Variants in CUEDC1 observed in about 807,000 individuals in gnomAD.
The protein encoded by CUEDC1 is CUE domain containing 1, also known as CUE domain-containing protein 1.
CUEDC1 carries 30 observed loss-of-function variants against 43.7 expected under a neutral mutation model. That is an observed-to-expected ratio of 0.69 (90% CI 0.51 to 0.93). CUEDC1 has a LOEUF of 0.93. Among genes scored for constraint, CUEDC1 ranks in the 40% least tolerant of loss-of-function variants. The probability of loss-of-function intolerance (pLI) is 0.00; values close to 1 mark genes in which losing one functional copy is unlikely to be tolerated. For missense variants in CUEDC1, 486 were observed against 549.0 expected (o/e 0.89, Z 1.15); for synonymous variants, 223 against 223.6 (o/e 1.00, Z 0.02).
chr17:57,909,012 C>T (rs2074557572), intron 1 of CUEDC1, among the ~76,000 whole-genome samples: 1 of 152,032 alleles, frequency 6.6e-6, no homozygotes, highest in African/African-American at 2.4e-5. Context: ...AAAGGAAGAT[C>T]ATAATGTAGC....
chr17:57,886,148 T>A (rs914569720), intron 1 of CUEDC1, among the ~76,000 whole-genome samples: 2 of 152,194 alleles, frequency 1.3e-5, no homozygotes, highest in Non-Finnish European at 2.9e-5. Context: ...ATGACAATAC[T>A]GTAAGGTATG....
rs1240820908 is a variant in CUEDC1 at position 57,873,542 on chromosome 17, G to C, written c.591+49C>G. On this transcript the variant is annotated intron_variant, in intron 4 of 10. Coordinates refer to ENST00000577830, the MANE Select transcript of CUEDC1 (RefSeq NM_001271875.2). ...GGCACAAATTGTGTGGGCAAAGAGAGATGCTGGACAAGCAGGTGGGAGTGG... is the reference window on the plus strand; with the variant it reads ...GGCACAAATTGTGTGGGCAAAGAGACATGCTGGACAAGCAGGTGGGAGTGG... The C allele has an allele frequency of 2.0e-6, 3 of 1,497,690 alleles. No individual in the cohort carries two copies. The African/African-American group carries it at 4.2e-5, about 21-fold the overall frequency. The allele number at this position is 1,497,690 out of a possible 1,614,324, so 92.8% of individuals were successfully genotyped here.
intron 1 of CUEDC1, among the ~76,000 whole-genome samples, chr17:57,944,057 C>T (rs1464634649): frequency 6.6e-6 from 1 of 152,046 alleles, no homozygotes; most frequent in African/African-American, 2.4e-5. Flanking sequence ...CTCTGTGCCT[C>T]GGTCTCCTCC....
intron 1 of CUEDC1, among the ~76,000 whole-genome samples, chr17:57,937,296 T>C (rs2074871698): frequency 6.6e-6 from 1 of 152,078 alleles, no homozygotes. Flanking sequence ...ATGAGGAAAC[T>C]AAAACTCAGG....
chr17:57,934,207 T>C (rs2074837188), intron 1 of CUEDC1, among the ~76,000 whole-genome samples: 1 of 152,026 alleles, frequency 6.6e-6, no homozygotes. Flanking sequence ...GCCTGGCTAG[T>C]ATGGTGAAAG....
chr17:57,906,331 T>C (rs2074529634), intron 1 of CUEDC1, among the ~76,000 whole-genome samples: 1 of 152,232 alleles, frequency 6.6e-6, no homozygotes, highest in African/African-American at 2.4e-5. Flanking sequence ...TTGAAAACAT[T>C]ATACTAAGTG....
Position 57,939,481 on chromosome 17 carries a change from T to C in CUEDC1, c.-316+15744A>G, listed in dbSNP as rs560842205. ...TGGGTGGGGGGAGAGGGTCTCACTA[T>C]GTTGCCCAGGCTGGTCTCGAACTCC... On this transcript the variant is annotated intron_variant, in intron 1 of 10. Coordinates refer to ENST00000577830, the MANE Select transcript of CUEDC1 (RefSeq NM_001271875.2). Among the ~76,000 whole-genome samples the C allele has an allele frequency of 9.9e-5, 15 of 151,652 alleles. No individual in the cohort carries two copies. The South Asian group carries it at 3.1e-3, about 32-fold the overall frequency.
Position 57,885,668 on chromosome 17 carries a change from T to C in CUEDC1, c.-104A>G, listed in dbSNP as rs1231841960. 2.3e-6 allele frequency: 3 copies of C among 1,317,690 alleles called. No homozygotes were observed. The highest frequency in any genetic ancestry group is 3.1e-5 in the African/African-American group (2 of 64,056). The allele number at this position is 1,317,690 out of a possible 1,614,324, so 81.6% of individuals were successfully genotyped here. A position where few individuals can be genotyped will look rare whatever the true frequency, so the allele number is the denominator to read the frequency against. On this transcript the variant is annotated 5_prime_UTR_variant, in exon 2 of 11. Transcript: ENST00000577830. ...TACTTGCCCTGCGGTCTCGGGCAGC[T>C]CACTCCTGCGCCTCCTCCTCCCCGG...
At chr17:57,948,401 A>C (rs1298854104) in intron 1 of CUEDC1, among the ~76,000 whole-genome samples, 3 of 151,962 alleles carry the variant, frequency 2.0e-5, no homozygotes, top group African/African-American at 7.3e-5. Flanking sequence ...GACCAGGAAC[A>C]TTGCGGGCCA....
intron 2 of CUEDC1, among the ~76,000 whole-genome samples, chr17:57,884,544 TCTC>T (rs2144963603): frequency 6.6e-6 from 1 of 152,206 alleles, no homozygotes; most frequent in East Asian, 1.9e-4. Context: ...ACCTCATTGA[TCTC>T]CTCTCACTCT....
intron 1 of CUEDC1, among the ~76,000 whole-genome samples, chr17:57,902,149 C>T (rs904452684): frequency 6.6e-6 from 1 of 151,828 alleles, no homozygotes; most frequent in African/African-American, 2.4e-5. Flanking sequence ...CAAGATCACG[C>T]CATTGCACTC....
intron 8 of CUEDC1, 97 bp from the exon 9 acceptor site, chr17:57,867,512 G>A (rs912813115): frequency 7.9e-6 from 9 of 1,134,554 alleles, no homozygotes; most frequent in African/African-American, 7.7e-5. Context: ...TCAAAGCTCT[G>A]GAGGTACCTG....
chr17:57,901,294 C>T (rs2074468995), intron 1 of CUEDC1, among the ~76,000 whole-genome samples: 1 of 152,230 alleles, frequency 6.6e-6, no homozygotes. Flanking sequence ...CCCAGCTGGT[C>T]CACAGGTATA....
chr17:57,892,939 A>G lies in CUEDC1; in HGVS notation c.-315-7060T>C, dbSNP rs557189367. The stretch of plus-strand genomic sequence containing the variant: ...GGTATTACTGTCCTACAGAACACAC[A>G]CAACCTCAGAACCCTTTGCAACACC... On this transcript the variant is annotated intron_variant, in intron 1 of 10. Coordinates refer to ENST00000577830, the MANE Select transcript of CUEDC1 (RefSeq NM_001271875.2). Among the ~76,000 whole-genome samples, 278 of 152,346 alleles carry G rather than the reference A, an allele frequency of 1.8e-3. 1 individual carries two copies. Among genetic ancestry groups the G allele is most frequent in the African/African-American group, 5.3e-3 (220 of 41,578 alleles).
intron 1 of CUEDC1, among the ~76,000 whole-genome samples, chr17:57,909,107 T>G (rs1297969853): frequency 1.3e-5 from 2 of 152,202 alleles, no homozygotes; most frequent in Non-Finnish European, 2.9e-5. Context: ...AATAAAAATT[T>G]TAATTTTAAT....
intron 6 of CUEDC1, chr17:57,869,941 C>T (rs552624171): frequency 6.6e-6 from 1 of 152,406 alleles, no homozygotes; most frequent in East Asian, 1.9e-4. Context: ...TCAGCAGCCC[C>T]GGTATCTCTA....
At position 57,885,336 on chromosome 17, in the gene CUEDC1, C is replaced by T. The variant is rs1215928408; in HGVS notation, c.229G>A (p.Val77Met). The change falls in exon 2 of 11, where the codon GTG becomes ATG. Residue 77 changes from valine to methionine, a missense_variant. Val to Met is a conservative substitution (Grantham distance 21). Transcript: ENST00000577830. The stretch of plus-strand genomic sequence containing the variant: ...AGCAGCTGGTCGATGGTGGCGTCCA[C>T]AGCGCCGCTGTTGGCGCGCAGCACG... ...ECVLRANSGA[V>M]DATIDQLLQM... is the part of the protein sequence containing the mutation. The T allele has an allele frequency of 3.1e-6, 5 of 1,611,972 alleles. No homozygotes were observed. Among genetic ancestry groups the T allele is most frequent in the Admixed American group, 3.3e-5 (2 of 59,796 alleles).
intron 1 of CUEDC1, among the ~76,000 whole-genome samples, chr17:57,917,178 C>CA (rs1188763061): frequency 6.6e-6 from 1 of 152,218 alleles, no homozygotes; most frequent in Non-Finnish European, 1.5e-5. Flanking sequence ...CAGGTGCTCT[C>CA]AAAACCACTG....
chr17:57,924,494 T>C (rs1264879739), intron 1 of CUEDC1, among the ~76,000 whole-genome samples: 2 of 152,152 alleles, frequency 1.3e-5, no homozygotes, highest in African/African-American at 4.8e-5. Context: ...AAGGGAAAAG[T>C]GTGTAAATCA....
Sources: allele counts gnomAD v4.1 joint callset (sites outside exome capture counted in the v4.1 genomes callset), GRCh38; gene constraint gnomAD v4.1.1; transcripts MANE v1.5; gene names NCBI Gene and HGNC (gene_info 2026-07-23, HGNC 2026-07-21).